The following CDK8 variants were observed in gnomAD, a reference collection of about 807,000 sequenced individuals.
The protein encoded by CDK8 is cyclin-dependent kinase 8.
CDK8 carries 29 observed loss-of-function variants against 71.5 expected under a neutral mutation model. The observed-to-expected ratio is 0.41, with a 90% CI of 0.30 to 0.55. The LOEUF (loss-of-function observed/expected upper bound fraction) is 0.55, where lower values mean the gene tolerates loss of function less well. Among genes scored for constraint, CDK8 ranks in the 20% least tolerant of loss-of-function variants. The probability of loss-of-function intolerance (pLI) is 0.37; values close to 1 mark genes in which losing one functional copy is unlikely to be tolerated. For missense variants in CDK8, 288 were observed against 572.6 expected, an observed-to-expected ratio of 0.50 and a Z score of 5.07; for synonymous variants, 161 against 192.1, an observed-to-expected ratio of 0.84 and a Z score of 1.34.
At chr13:26,320,593 T>C (rs990790027) in intron 1 of CDK8, among the ~76,000 whole-genome samples, 2 of 152,082 alleles carry the variant, frequency 1.3e-5, no homozygotes, top group African/African-American at 2.4e-5. Flanking sequence ...AAAAGGCAAC[T>C]AACAGAATGG....
At position 26,254,668 on chromosome 13, in the gene CDK8, G is replaced by C. The variant is rs1205384874; in HGVS notation, c.27G>C (p.Leu9=). 1.2e-6 allele frequency: 2 copies of C among 1,612,042 alleles called. No individual in the cohort carries two copies. Among genetic ancestry groups the C allele is most frequent in the Non-Finnish European group, 1.7e-6 (2 of 1,179,040 alleles). Residue 9 remains leucine, a synonymous_variant, in exon 1 of 13, where the codon CTG becomes CTC. Coordinates refer to ENST00000381527, the MANE Select transcript of CDK8 (RefSeq NM_001260.3). The surrounding 1 kb of genome is among the most constrained non-coding windows in gnomAD (Gnocchi z 6.7). MDYDFKVK[L]SSERERVEDL... ...TGGACTATGACTTTAAAGTGAAGCT[G>C]AGCAGCGAGCGGGAGCGGGTCGAGG... is the stretch of plus-strand genomic sequence containing the variant.
chr13:26,325,511 G>A (rs967787917), intron 1 of CDK8, among the ~76,000 whole-genome samples: 1 of 152,172 alleles, frequency 6.6e-6, no homozygotes, highest in Non-Finnish European at 1.5e-5. Context: ...TCTAGCAAGC[G>A]AGAGCTCACG....
chr13:26,260,993 A>G (rs957588888), intron 1 of CDK8, among the ~76,000 whole-genome samples: 7 of 152,126 alleles, frequency 4.6e-5, no homozygotes, highest in African/African-American at 1.4e-4. Flanking sequence ...CTCCTTCAGA[A>G]CACTTTGTGA....
intron 1 of CDK8, among the ~76,000 whole-genome samples, chr13:26,330,687 C>T (rs1026044788): frequency 2.0e-5 from 3 of 151,822 alleles, no homozygotes; most frequent in East Asian, 1.9e-4. Flanking sequence ...TTTGTCTTTT[C>T]GCGTCTGGCT....
At chr13:26,393,107 T>C (rs534245087) in intron 6 of CDK8, among the ~76,000 whole-genome samples, 1 of 152,086 alleles carries the variant, frequency 6.6e-6, no homozygotes, top group Non-Finnish European at 1.5e-5. Flanking sequence ...GTGAAACCAT[T>C]TGGGTGGTAT....
intron 1 of CDK8, among the ~76,000 whole-genome samples, chr13:26,303,139 T>G (rs745561093): frequency 6.6e-6 from 1 of 152,082 alleles, no homozygotes; most frequent in Non-Finnish European, 1.5e-5. Flanking sequence ...TATTTTTTTC[T>G]TTTTTATCTC....
intron 1 of CDK8, among the ~76,000 whole-genome samples, chr13:26,291,399 G>A (rs1002168756): frequency 4.6e-5 from 7 of 152,136 alleles, no homozygotes; most frequent in Non-Finnish European, 5.9e-5. Flanking sequence ...TATAGAAAGA[G>A]TTGTTAACGC....
chr13:26,404,071 A>G lies in CDK8; in HGVS notation c.1385A>G (p.His462Arg), dbSNP rs766349976. The change falls in exon 13 of 13, where the codon CAT (histidine) becomes CGT (arginine). Residue 462 changes from histidine (H) to arginine (R), a missense_variant. This residue lies in a region of CDK8 where 76 missense variants were observed against 99.7 expected (regional missense o/e 0.76). Transcript: ENST00000381527. ...QQPPQYSHQTHRY is the reference protein window; with the variant it reads ...QQPPQYSHQTRRY ...CCTCCACAGTACTCACATCAGACAC[A>G]TCGGTACTGAGCTGCATCGGAATCT... is the stretch of plus-strand genomic sequence containing the variant. The G allele has an allele frequency of 5.8e-5, 93 of 1,613,834 alleles. No homozygotes were observed. Among genetic ancestry groups the G allele is most frequent in the Non-Finnish European group, 4.7e-5 (55 of 1,179,946 alleles).
Position 26,353,878 on chromosome 13 carries a change from T to C in CDK8, c.454T>C (p.Leu152=). Residue 152 remains leucine (L), a splice_region_variant and synonymous_variant, in exon 4 of 13, where the codon TTG becomes CTG. Transcript: ENST00000381527. ...TGCTAACTGGGTGTTGCACAGAGATTTGGTAAGTTGACCTGTAATTGGTTT... is the reference window on the plus strand; with the variant it reads ...TGCTAACTGGGTGTTGCACAGAGATCTGGTAAGTTGACCTGTAATTGGTTT... ...LHANWVLHRD[L]KPANILVMGE... 6.2e-7 allele frequency: 1 copy of C among 1,613,134 alleles called. No homozygotes were observed. Among genetic ancestry groups the C allele is most frequent in the Non-Finnish European group, 8.5e-7 (1 of 1,179,272 alleles).
Position 26,400,020 on chromosome 13 carries a change from A to G in CDK8, c.934-433A>G, listed in dbSNP as rs9579009. On this transcript the variant is annotated intron_variant, in intron 9 of 12. Coordinates refer to ENST00000381527, the MANE Select transcript of CDK8 (RefSeq NM_001260.3). ...TTGGCTCTTGAAATGTGCCTGGTGT[A>G]ATGGGGAGATTGACTTTTTTATTTA... 5.0e-3 allele frequency: 1,014 copies of G among 202,952 alleles called. 9 individuals carry two copies. Among genetic ancestry groups the G allele is most frequent in the African/African-American group, 0.023 (974 of 42,062 alleles). The allele number at this position is 202,952 out of a possible 1,614,324, so 12.6% of individuals were successfully genotyped here. A position where few individuals can be genotyped will look rare whatever the true frequency, so the allele number is the denominator to read the frequency against.
At position 26,401,739 on chromosome 13, in the gene CDK8, C is replaced by T. The variant is rs146189807; in HGVS notation, c.1269+115C>T. ...TGACGTCTGTATACCCAGGGAAATACATTAACATGAAATGTTACTGGCATG... is the reference window on the plus strand; with the variant it reads ...TGACGTCTGTATACCCAGGGAAATATATTAACATGAAATGTTACTGGCATG... On this transcript the variant is annotated intron_variant, in intron 12 of 12. Transcript: ENST00000381527. This position sits in a 1 kb window ranked among gnomAD's most constrained non-coding sequence, Gnocchi z 4.5. 937 of 1,069,614 alleles carry T rather than the reference C, an allele frequency of 8.8e-4. 9 individuals are homozygous for T. In the African/African-American group the frequency reaches 0.013, roughly 15 times the overall value. The allele number at this position is 1,069,614 out of a possible 1,614,324, so 66.3% of individuals were successfully genotyped here. A position where few individuals can be genotyped will look rare whatever the true frequency, so the allele number is the denominator to read the frequency against.
rs374009286 is a variant in CDK8 at position 26,340,827 on chromosome 13, G to C, written c.204+3185G>C. 2.0e-5 allele frequency among the ~76,000 whole-genome samples: 3 copies of C among 152,176 alleles called. No homozygotes were observed. In the East Asian group the frequency reaches 5.8e-4, roughly 29 times the overall value. ...TCTTCCCCAGTTTGTGCTAGGTGTG[G>C]TGTATAGTCCTTGCTCTGTAAGTAA... On this transcript the variant is annotated intron_variant, in intron 2 of 12. Transcript: ENST00000381527.
At chr13:26,381,774 A>G (rs1400216349) in intron 4 of CDK8, among the ~76,000 whole-genome samples, 5 of 152,016 alleles carry the variant, frequency 3.3e-5, no homozygotes, top group Non-Finnish European at 7.4e-5. Context: ...TTGGCTGGGA[A>G]TAACTATCTT....
Position 26,404,187 on chromosome 13 carries a change from C to A in CDK8, c.*106C>A. 1 of 1,303,442 alleles carries A rather than the reference C, an allele frequency of 7.7e-7. No homozygotes were observed. Among genetic ancestry groups the A allele is most frequent in the Non-Finnish European group, 1.0e-6 (1 of 956,810 alleles). 80.7% of individuals were successfully genotyped at this position (1,303,442 alleles called of 1,614,324 possible). On this transcript the variant is annotated 3_prime_UTR_variant, in exon 13 of 13. Transcript: ENST00000381527. ...GCCATGAGAATGTACTGTACAACCA[C>A]ATCTTCAAAATGTCCAGTAGCCAAG...
chr13:26,270,818 G>A (rs1209564880), intron 1 of CDK8, among the ~76,000 whole-genome samples: 2 of 152,122 alleles, frequency 1.3e-5, no homozygotes, highest in Non-Finnish European at 2.9e-5. Flanking sequence ...CTGAGTCTCT[G>A]CTTTCAATTC....
intron 1 of CDK8, among the ~76,000 whole-genome samples, chr13:26,285,124 A>G (rs1294499529): frequency 6.6e-6 from 1 of 152,198 alleles, no homozygotes; most frequent in African/African-American, 2.4e-5. Context: ...CTGTAATTCC[A>G]GCTACTCAGG....
intron 1 of CDK8, among the ~76,000 whole-genome samples, chr13:26,322,479 C>T (rs1241900331): frequency 6.6e-6 from 1 of 151,978 alleles, no homozygotes; most frequent in East Asian, 1.9e-4. Context: ...TACAGTGAGT[C>T]CTTAATCCAC....
Position 26,400,448 on chromosome 13 carries a change from T to G in CDK8, c.934-5T>G. 6.3e-7 allele frequency: 1 copy of G among 1,577,856 alleles called. No homozygotes were observed. The highest frequency in any genetic ancestry group is 8.7e-7 in the Non-Finnish European group (1 of 1,147,108). ...CCGTCATGTTTGTATGATTTGTGAT[T>G]TCAGCTTCAGAAGCTGCTTACCATG... On this transcript the variant is annotated splice_polypyrimidine_tract_variant and splice_region_variant and intron_variant, in intron 9 of 12. Transcript: ENST00000381527.
At chr13:26,277,453 T>G (rs1408832993) in intron 1 of CDK8, among the ~76,000 whole-genome samples, 1 of 152,206 alleles carries the variant, frequency 6.6e-6, no homozygotes, top group African/African-American at 2.4e-5. Flanking sequence ...GTAATCCTAC[T>G]ATTGTGCAAA....
Sources: gnomAD v4.1 joint callset for allele counts (sites outside exome capture counted in the v4.1 genomes callset) on GRCh38, gnomAD v4.1.1 for gene constraint, gnomAD v4.1.1 regional missense constraint, Gnocchi (gnomAD v3.1) non-coding constraint, MANE v1.5 for transcripts, NCBI Gene and HGNC (gene_info 2026-07-23, HGNC 2026-07-21) for gene names.